Variants in ADAMTS6 observed in about 807,000 individuals in gnomAD.
ADAMTS6 encodes the protein A disintegrin and metalloproteinase with thrombospondin motifs 6.
A neutral mutation model predicts 144.3 loss-of-function variants in ADAMTS6; 23 were observed. The ratio of observed to expected loss-of-function variants is 0.16; its 90% CI spans 0.11 to 0.23. The LOEUF is 0.23. Ranked by LOEUF, ADAMTS6 falls within the 10% of genes least tolerant of loss-of-function variation. ADAMTS6 has a pLI of 1.00. For missense variants in ADAMTS6, 999 were observed against 1,379.6 expected (o/e 0.72, Z 4.37); for synonymous variants, 444 against 457.5 (o/e 0.97, Z 0.38).
intron 15 of ADAMTS6, among the ~76,000 whole-genome samples, chr5:65,235,292 T>C (rs979979634): frequency 2.6e-5 from 4 of 152,236 alleles, no homozygotes; most frequent in African/African-American, 9.6e-5. Flanking sequence ...TTTCACAGCA[T>C]ATATGTATAT....
intron 18 of ADAMTS6, 125 bp from the exon 19 acceptor site, chr5:65,215,612 A>C: frequency 1.3e-6 from 1 of 780,918 alleles, no homozygotes; most frequent in Non-Finnish European, 1.9e-6. Flanking sequence ...ACTCTTGACC[A>C]TATTCTTAAG....
intron 6 of ADAMTS6, 108 bp from the exon 7 acceptor site, chr5:65,451,728 G>A (rs1758756690): frequency 1.5e-6 from 2 of 1,332,536 alleles, no homozygotes; most frequent in African/African-American, 1.5e-5. Flanking sequence ...GTGTTTCTAG[G>A]AATAATCTCT....
At chr5:65,422,924 G>A (rs972757870) in intron 7 of ADAMTS6, among the ~76,000 whole-genome samples, 4 of 152,030 alleles carry the variant, frequency 2.6e-5, no homozygotes, top group Admixed American at 2.0e-4. Flanking sequence ...AACGATGAAT[G>A]GATTAAGAAA....
chr5:65,372,655 A>G (rs1751080305), intron 7 of ADAMTS6, among the ~76,000 whole-genome samples: 1 of 152,110 alleles, frequency 6.6e-6, no homozygotes, highest in Non-Finnish European at 1.5e-5. Flanking sequence ...CGCATTAATA[A>G]TGGGAGACTT....
intron 7 of ADAMTS6, among the ~76,000 whole-genome samples, chr5:65,384,233 T>C (rs975651286): frequency 3.3e-5 from 5 of 152,224 alleles, no homozygotes; most frequent in African/African-American, 1.2e-4. Context: ...CTTTACCATA[T>C]AGCCAGGCTG....
chr5:65,263,672 T>C (rs999545349), intron 12 of ADAMTS6, among the ~76,000 whole-genome samples: 1 of 152,194 alleles, frequency 6.6e-6, no homozygotes, highest in African/African-American at 2.4e-5. Context: ...AATAATTTAT[T>C]GAGACACAGA....
intron 15 of ADAMTS6, among the ~76,000 whole-genome samples, chr5:65,230,431 T>C (rs1758091994): frequency 1.4e-5 from 1 of 73,540 alleles, no homozygotes; most frequent in East Asian, 3.5e-4. Context: ...ATATATATAA[T>C]ACATGATATA....
chr5:65,187,921 G>C (rs538013848), intron 22 of ADAMTS6, 95 bp downstream of exon 22: 14 of 1,253,496 alleles, frequency 1.1e-5, no homozygotes, highest in Admixed American at 9.4e-5. Flanking sequence ...TACTTGTTGA[G>C]TTCTAAGATG....
At chr5:65,208,254 A>G (rs1316590251) in intron 20 of ADAMTS6, among the ~76,000 whole-genome samples, 4 of 152,224 alleles carry the variant, frequency 2.6e-5, no homozygotes. Context: ...AGTACTTCTC[A>G]ACCGGGGCTG....
chr5:65,226,055 C>A, intron 16 of ADAMTS6, 31 bp downstream of exon 16: 1 of 1,568,556 alleles, frequency 6.4e-7, no homozygotes, highest in Non-Finnish European at 8.7e-7. Context: ...GTCTCAAAAA[C>A]CCCAACAGAA....
At chr5:65,405,540 T>G (rs1159443607) in intron 7 of ADAMTS6, among the ~76,000 whole-genome samples, 2 of 152,240 alleles carry the variant, frequency 1.3e-5, no homozygotes, top group Non-Finnish European at 1.5e-5. Flanking sequence ...GCTGTGTTGG[T>G]TACTGTAGCC....
At chr5:65,437,298 G>A (rs938489306) in intron 7 of ADAMTS6, among the ~76,000 whole-genome samples, 2 of 152,044 alleles carry the variant, frequency 1.3e-5, no homozygotes, top group African/African-American at 4.8e-5. Flanking sequence ...GTCTCACCAC[G>A]TTAGCTAGGA....
chr5:65,400,239 G>A (rs1174564869), intron 7 of ADAMTS6, among the ~76,000 whole-genome samples: 2 of 152,006 alleles, frequency 1.3e-5, no homozygotes, highest in Non-Finnish European at 2.9e-5. Flanking sequence ...GTCTCACTCT[G>A]TGGTCCTGGC....
At chr5:65,215,228 C>T (rs1580080047) in intron 19 of ADAMTS6, 96 bp downstream of exon 19, 1 of 1,365,726 alleles carries the variant, frequency 7.3e-7, no homozygotes, top group East Asian at 2.3e-5. Context: ...ACCTTAATTT[C>T]ATCACCTGTA....
chr5:65,472,080 C>T (rs1201298412), intron 2 of ADAMTS6, among the ~76,000 whole-genome samples: 1 of 152,148 alleles, frequency 6.6e-6, no homozygotes, highest in African/African-American at 2.4e-5. Flanking sequence ...ACAAGGAATG[C>T]AGTAGTGATA....
chr5:65,365,131 A>G (rs1214909506), intron 7 of ADAMTS6, among the ~76,000 whole-genome samples: 3 of 152,160 alleles, frequency 2.0e-5, no homozygotes, highest in Admixed American at 6.5e-5. Context: ...GATGTGGCAG[A>G]AAGACCACTG....
chr5:65,273,138 A>C (rs545565905), intron 12 of ADAMTS6, among the ~76,000 whole-genome samples: 1 of 152,206 alleles, frequency 6.6e-6, no homozygotes, highest in African/African-American at 2.4e-5. Flanking sequence ...ACTGACCTAA[A>C]ATAGACTTAC....
chr5:65,366,674 C>T lies in ADAMTS6; in HGVS notation c.1074-32589G>A, dbSNP rs75510663. Among the ~76,000 whole-genome samples, 554 of 152,262 alleles carry T rather than the reference C, an allele frequency of 3.6e-3. 8 individuals carry two copies. The East Asian group carries it at 0.042, about 12-fold the overall frequency. ...TCATCTTGCTGACCCCAGATTCTTA[C>T]TAACTGTTCATAGATTTAAAGTTCA... On this transcript the variant is annotated intron_variant, in intron 7 of 24. Coordinates refer to ENST00000381055, the MANE Select transcript of ADAMTS6 (RefSeq NM_197941.4).
chr5:65,170,523 A>T, intron 24 of ADAMTS6, 94 bp downstream of exon 24: 1 of 1,404,224 alleles, frequency 7.1e-7, no homozygotes, highest in Non-Finnish European at 9.7e-7. Flanking sequence ...CTCAAACTAC[A>T]CTACAGTAGT....
Sources: gnomAD v4.1 joint callset for allele counts (sites outside exome capture counted in the v4.1 genomes callset) on GRCh38, gnomAD v4.1.1 for gene constraint, MANE v1.5 for transcripts, NCBI Gene and HGNC (gene_info 2026-07-23, HGNC 2026-07-21) for gene names.